Variants in NEURL1B observed in about 807,000 individuals in gnomAD.
NEURL1B encodes neuralized E3 ubiquitin protein ligase 1B, also known as E3 ubiquitin-protein ligase NEURL1B.
NEURL1B carries 13 observed loss-of-function variants against 37.4 expected under a neutral mutation model. The ratio of observed to expected loss-of-function variants is 0.35; its 90% CI spans 0.23 to 0.55. The LOEUF (loss-of-function observed/expected upper bound fraction) is 0.55. NEURL1B is among the 20% of genes least tolerant of loss of function. The probability of loss-of-function intolerance (pLI) is 0.89; values close to 1 mark genes in which losing one functional copy is unlikely to be tolerated. For synonymous variants in NEURL1B, 432 were observed against 426.6 expected (o/e 1.01, Z -0.16); for missense variants, 790 against 879.2 (o/e 0.90, Z 1.28).
chr5:172,643,932 G>T (rs979286190), intron 1 of NEURL1B, among the ~76,000 whole-genome samples: 6 of 151,740 alleles, frequency 4.0e-5, no homozygotes, highest in African/African-American at 1.5e-4. Flanking sequence ...ACATTCTTCT[G>T]CCCTCCTCCC....
chr5:172,679,559 C>T lies in NEURL1B; in HGVS notation c.578-3860C>T, dbSNP rs536931009. 4.6e-5 allele frequency among the ~76,000 whole-genome samples: 7 copies of T among 152,316 alleles called. No homozygotes were observed. The South Asian group carries it at 1.0e-3, about 23-fold the overall frequency. On this transcript the variant is annotated intron_variant, in intron 2 of 4. Transcript: ENST00000369800. ...TTCTGAAGTGTCTGGCCTAGGCTGG[C>T]GCTGTGCTGTCTTGGGCCTGTCTCA...
chr5:172,642,955 C>T (rs1168409366), intron 1 of NEURL1B, among the ~76,000 whole-genome samples: 1 of 152,238 alleles, frequency 6.6e-6, no homozygotes, highest in East Asian at 1.9e-4. Flanking sequence ...TCGGCACAGG[C>T]CCCTTTCCTT....
rs1758395789 is a variant in NEURL1B, at chr5:172,683,159, A to G, written c.578-260A>G. ...AGAAGAGAAAGGAGGAGGCAGGGGA[A>G]AAAGGGCCTTATCTGCCGCTCCCAA... On this transcript the variant is annotated intron_variant, in intron 2 of 4. Transcript: ENST00000369800. This position sits in a 1 kb window ranked among gnomAD's most constrained non-coding sequence, Gnocchi z 5.6. 6.6e-6 allele frequency among the ~76,000 whole-genome samples: 1 copy of G among 152,196 alleles called. No homozygotes were observed. Among genetic ancestry groups the G allele is most frequent in the African/African-American group, 2.4e-5 (1 of 41,444 alleles).
chr5:172,678,175 C>T (rs1758275950), intron 2 of NEURL1B, among the ~76,000 whole-genome samples: 1 of 151,798 alleles, frequency 6.6e-6, no homozygotes, highest in African/African-American at 2.4e-5. Context: ...TGGTTCTATC[C>T]TGGGCCCACT....
At chr5:172,682,384 G>A (rs1377583492) in intron 2 of NEURL1B, among the ~76,000 whole-genome samples, 1 of 152,188 alleles carries the variant, frequency 6.6e-6, no homozygotes, top group Non-Finnish European at 1.5e-5. Flanking sequence ...GGACCAGCCT[G>A]GCCAACATGG....
chr5:172,663,829 T>TTTTTTTTTATTATTATTA lies in NEURL1B; in HGVS notation c.32-5954_32-5953insTTTTTTATTATTATTATT, dbSNP rs138220033. Among the ~76,000 whole-genome samples, 152 of 140,842 alleles carry TTTTTTTTTATTATTATTA rather than the reference T, an allele frequency of 1.1e-3. 1 individual carries two copies. Among genetic ancestry groups the TTTTTTTTTATTATTATTA allele is most frequent in the South Asian group, 2.1e-3 (9 of 4,252 alleles). 92.4% of individuals were successfully genotyped at this position (140,842 alleles called of 152,430 possible). Reference sequence around the variant, plus strand: ...TTCCTGGCAAAAGAGGTTTTATTTGTTTATTATTATTATTATTATTATTAT... The same window carrying TTTTTTTTTATTATTATTA: ...TTCCTGGCAAAAGAGGTTTTATTTGTTTTTTTTTATTATTATTATTATTATTATTATTATTATTATTAT... On this transcript the variant is annotated intron_variant, in intron 1 of 4. Transcript: ENST00000369800.
rs775456837 is a variant in NEURL1B at position 172,683,129 on chromosome 5, A to T, written c.578-290A>T. ...GGAAAGGGTGGAGAGAAAAGGAGGGATGGAAGAAGAGAAAGGAGGAGGCAG... is the reference window on the plus strand; with the variant it reads ...GGAAAGGGTGGAGAGAAAAGGAGGGTTGGAAGAAGAGAAAGGAGGAGGCAG... On this transcript the variant is annotated intron_variant, in intron 2 of 4. Coordinates refer to ENST00000369800, the MANE Select transcript of NEURL1B (RefSeq NM_001142651.3). The surrounding 1 kb of genome is among the most constrained non-coding windows in gnomAD (Gnocchi z 5.6). Among the ~76,000 whole-genome samples, 1 of 152,128 alleles carries T rather than the reference A, an allele frequency of 6.6e-6. No homozygotes were observed. The highest frequency in any genetic ancestry group is 1.5e-5 in the Non-Finnish European group (1 of 68,018).
chr5:172,659,349 G>A (rs555056245), intron 1 of NEURL1B, among the ~76,000 whole-genome samples: 138 of 152,200 alleles, frequency 9.1e-4, no homozygotes, highest in African/African-American at 3.2e-3. Flanking sequence ...AGGCTTCTGG[G>A]CACCACCCAG....
chr5:172,678,153 T>C (rs75320397), intron 2 of NEURL1B, among the ~76,000 whole-genome samples: 3,693 of 152,218 alleles, frequency 0.024, 115 homozygotes, highest in East Asian at 0.068. Context: ...CCTCCCTATG[T>C]TGAAAGCCCC....
At position 172,663,829 on chromosome 5, in the gene NEURL1B, T is replaced by TTTTTTATTATTATTA. The variant is rs138220033; in HGVS notation, c.32-5954_32-5953insTTTATTATTATTATT. On this transcript the variant is annotated intron_variant, in intron 1 of 4. Coordinates refer to ENST00000369800, the MANE Select transcript of NEURL1B (RefSeq NM_001142651.3). Reference sequence around the variant, plus strand: ...TTCCTGGCAAAAGAGGTTTTATTTGTTTATTATTATTATTATTATTATTAT... The same window carrying TTTTTTATTATTATTA: ...TTCCTGGCAAAAGAGGTTTTATTTGTTTTTTATTATTATTATTATTATTATTATTATTATTATTAT... 5.3e-3 allele frequency among the ~76,000 whole-genome samples: 741 copies of TTTTTTATTATTATTA among 140,838 alleles called. 5 individuals carry two copies. Among genetic ancestry groups the TTTTTTATTATTATTA allele is most frequent in the African/African-American group, 0.013 (492 of 38,576 alleles). The allele number at this position is 140,838 out of a possible 152,430, so 92.4% of individuals were successfully genotyped here.
Position 172,669,867 on chromosome 5 carries a change from G to A in NEURL1B, c.114G>A (p.Ala38=). 2 of 1,400,698 alleles carry A rather than the reference G, an allele frequency of 1.4e-6. No individual in the cohort carries two copies. Among genetic ancestry groups the A allele is most frequent in the South Asian group, 1.5e-5 (1 of 65,052 alleles). The allele number at this position is 1,400,698 out of a possible 1,614,324, so 86.8% of individuals were successfully genotyped here. Reference sequence around the variant, plus strand: ...AGCGACGCCCGGTCCTGGGCGAGGCGCCGCGCTTCCACGCGCAGGCCAAAG... The same window carrying A: ...AGCGACGCCCGGTCCTGGGCGAGGCACCGCGCTTCCACGCGCAGGCCAAAG... ...GPERRPVLGE[A]PRFHAQAKGK... Residue 38 remains alanine (A), a synonymous_variant, in exon 2 of 5, where the codon GCG becomes GCA. Coordinates refer to ENST00000369800, the MANE Select transcript of NEURL1B (RefSeq NM_001142651.3).
At chr5:172,653,086 G>T (rs1001067815) in intron 1 of NEURL1B, among the ~76,000 whole-genome samples, 7 of 152,144 alleles carry the variant, frequency 4.6e-5, no homozygotes, top group African/African-American at 1.7e-4. Flanking sequence ...CGCCAGGTTG[G>T]TGCTGCTTTA....
intron 1 of NEURL1B, among the ~76,000 whole-genome samples, chr5:172,669,002 G>A (rs1758068812): frequency 6.6e-6 from 1 of 152,218 alleles, no homozygotes; most frequent in Non-Finnish European, 1.5e-5. Flanking sequence ...GTGGCTGAGG[G>A]GAGGGGAATC....
In NEURL1B at chr5:172,683,779, C is replaced by G; in HGVS notation, c.938C>G (p.Ser313Cys). Residue 313 changes from serine (S) to cysteine (C), a missense_variant, in exon 3 of 5, where the codon TCC (serine) becomes TGC (cysteine). Transcript: ENST00000369800. The surrounding 1 kb of genome is among the most constrained non-coding windows in gnomAD (Gnocchi z 5.6). ...RPDGGRTLVFSERPLRPGESL... is the reference protein window; with the variant it reads ...RPDGGRTLVFCERPLRPGESL... ...GACGGCGGCCGCACGCTGGTCTTCTCCGAGCGCCCGCTGCGGCCCGGCGAG... is the reference window on the plus strand; with the variant it reads ...GACGGCGGCCGCACGCTGGTCTTCTGCGAGCGCCCGCTGCGGCCCGGCGAG... 1 of 1,302,198 alleles carries G rather than the reference C, an allele frequency of 7.7e-7. No homozygotes were observed. 80.7% of individuals were successfully genotyped at this position (1,302,198 alleles called of 1,614,324 possible). A position where few individuals can be genotyped will look rare whatever the true frequency, so the allele number is the denominator to read the frequency against.
chr5:172,659,793 T>A (rs112622086), intron 1 of NEURL1B, among the ~76,000 whole-genome samples: 2,025 of 152,286 alleles, frequency 0.013, 43 homozygotes, highest in African/African-American at 0.046. Context: ...TGCTCTCAGC[T>A]GATTCTCATC....
In NEURL1B at chr5:172,689,728, G is replaced by A. The variant is rs1345788739; in HGVS notation, c.*2803G>A. On this transcript the variant is annotated 3_prime_UTR_variant, in exon 5 of 5. Transcript: ENST00000369800. ...CCTGGCTCCAAGTCCCAGGAAGCTC[G>A]AGACTGTGAGTTTTCTCCCTTGAAA... The A allele has an allele frequency of 1.3e-5, 2 of 152,180 alleles. No homozygotes were observed. The highest frequency in any genetic ancestry group is 2.9e-5 in the Non-Finnish European group (2 of 68,036). 9.4% of individuals were successfully genotyped at this position (152,180 alleles called of 1,614,324 possible). A position where few individuals can be genotyped will look rare whatever the true frequency, so the allele number is the denominator to read the frequency against.
rs1241969692 is a variant in NEURL1B at position 172,661,849 on chromosome 5, G to A, written c.32-7936G>A. 1.3e-5 allele frequency among the ~76,000 whole-genome samples: 2 copies of A among 152,240 alleles called. No individual in the cohort carries two copies. Among genetic ancestry groups the A allele is most frequent in the African/African-American group, 4.8e-5 (2 of 41,458 alleles). ...TTAGATCAAAGGAAGGGCTAGGCTG[G>A]AGAGATGAGTGGGGACCATTCAGGG... On this transcript the variant is annotated intron_variant, in intron 1 of 4. Coordinates refer to ENST00000369800, the MANE Select transcript of NEURL1B (RefSeq NM_001142651.3). This position sits in a 1 kb window ranked among gnomAD's most constrained non-coding sequence, Gnocchi z 4.0.
intron 1 of NEURL1B, among the ~76,000 whole-genome samples, chr5:172,666,804 A>T (rs1414589010): frequency 6.6e-6 from 1 of 152,010 alleles, no homozygotes; most frequent in African/African-American, 2.4e-5. Context: ...TGACCTCCAT[A>T]TTCTGCCTCC....
At chr5:172,652,766 A>G (rs1312060273) in intron 1 of NEURL1B, among the ~76,000 whole-genome samples, 4 of 152,250 alleles carry the variant, frequency 2.6e-5, no homozygotes, top group African/African-American at 9.6e-5. Flanking sequence ...AGGGTATAAC[A>G]AGGCAAGCAT....
Sources: allele counts gnomAD v4.1 joint callset (sites outside exome capture counted in the v4.1 genomes callset), GRCh38; gene constraint gnomAD v4.1.1; non-coding constraint Gnocchi (gnomAD v3.1); transcripts MANE v1.5; gene names NCBI Gene and HGNC (gene_info 2026-07-23, HGNC 2026-07-21).